Variants in SRMS observed in about 807,000 individuals in gnomAD.
SRMS encodes the protein src-related kinase lacking C-terminal regulatory tyrosine and N-terminal myristylation sites.
Under a neutral mutation model 43.5 loss-of-function variants are expected in SRMS, and 42 were observed. The ratio of observed to expected loss-of-function variants is 0.97; its 90% CI spans 0.75 to 1.25. The LOEUF is 1.25. Ranked by LOEUF, SRMS falls within the 50% of genes most tolerant of loss-of-function variation. SRMS has a pLI of 0.00. For synonymous variants in SRMS, 316 were observed against 308.2 expected, an observed-to-expected ratio of 1.03 and a Z score of -0.27; for missense variants, 703 against 681.0, an observed-to-expected ratio of 1.03 and a Z score of -0.36.
rs570346146 is a variant in SRMS at position 63,540,098 on chromosome 20, G to A, written c.*720C>T. 3.7e-4 allele frequency among the ~76,000 whole-genome samples: 57 copies of A among 152,212 alleles called. No individual in the cohort carries two copies. The highest frequency in any genetic ancestry group is 6.3e-4 in the Non-Finnish European group (43 of 68,036). On this transcript the variant is annotated 3_prime_UTR_variant, in exon 8 of 8. Transcript: ENST00000217188. The stretch of plus-strand genomic sequence containing the variant: ...CTCCAGCTCCTGGGTCTGGGTTTGG[G>A]GGGCTGAGCCTGTGTGTGATGTGCG...
chr20:63,542,687 C>T (rs916749794), intron 3 of SRMS, 106 bp from the exon 4 acceptor site: 1 of 1,346,222 alleles, frequency 7.4e-7, no homozygotes, highest in Admixed American at 2.8e-5. Context: ...GTCCCCAGCA[C>T]ACACTCACCC....
In SRMS at chr20:63,543,408, C is replaced by T. The variant is rs866665240; in HGVS notation, c.551G>A (p.Gly184Glu). Residue 184 changes from glycine (G) to glutamate (E), a missense_variant, in exon 3 of 8, where the codon GGA (glycine) becomes GAA (glutamate). Physicochemically the swap from Gly to Glu is moderately conservative, Grantham distance 98. Coordinates refer to ENST00000217188, the MANE Select transcript of SRMS (RefSeq NM_080823.4). Reference protein sequence around the residue: ...AADGSLYLQKGRLFPGLEELL... With the variant: ...AADGSLYLQKERLFPGLEELL... ...CTCCTCCAGGCCGGGAAAGAGCCGT[C>T]CCTTCTGCAGGTAGAGGCTGCCATC... 1.9e-6 allele frequency: 3 copies of T among 1,612,852 alleles called. No homozygotes were observed. Among genetic ancestry groups the T allele is most frequent in the Non-Finnish European group, 2.5e-6 (3 of 1,179,966 alleles).
chr20:63,542,143 G>A lies in SRMS; in HGVS notation c.946+20C>T. The A allele has an allele frequency of 5.0e-6, 8 of 1,596,926 alleles. No individual in the cohort carries two copies. Among genetic ancestry groups the A allele is most frequent in the Non-Finnish European group, 6.8e-6 (8 of 1,167,944 alleles). On this transcript the variant is annotated intron_variant, in intron 5 of 7. Transcript: ENST00000217188. ...GTCGCAGGCGCGTCAGGGCCACGTG[G>A]CAGCAGGGAGGGGACTCACTGCCCA...
At position 63,539,902 on chromosome 20, in the gene SRMS, C is replaced by T. The variant is rs959297191; in HGVS notation, c.*916G>A. 3.9e-5 allele frequency among the ~76,000 whole-genome samples: 6 copies of T among 152,310 alleles called. No homozygotes were observed. The highest frequency in any genetic ancestry group is 5.9e-5 in the Non-Finnish European group (4 of 68,028). ...GCAGCTCCCAGGTCACCAAGCCTCCCGGCCCACCCTTCCTGTGCCACCTGG... is the reference window on the plus strand; with the variant it reads ...GCAGCTCCCAGGTCACCAAGCCTCCTGGCCCACCCTTCCTGTGCCACCTGG... On this transcript the variant is annotated 3_prime_UTR_variant, in exon 8 of 8. Coordinates refer to ENST00000217188, the MANE Select transcript of SRMS (RefSeq NM_080823.4).
chr20:63,545,879 G>C (rs1048295170), intron 1 of SRMS, among the ~76,000 whole-genome samples: 3 of 152,160 alleles, frequency 2.0e-5, no homozygotes, highest in African/African-American at 7.2e-5. Flanking sequence ...ATGAGACACA[G>C]GTGTTTCCCC....
intron 3 of SRMS, among the ~76,000 whole-genome samples, chr20:63,543,002 G>C (rs1478908374): frequency 6.6e-6 from 1 of 152,114 alleles, no homozygotes; most frequent in Non-Finnish European, 1.5e-5. Flanking sequence ...GCCTGGGGCA[G>C]CCTTGAGTGC....
At chr20:63,544,435 G>A (rs2082720464) in intron 1 of SRMS, 87 bp from the exon 2 acceptor site, 1 of 1,374,858 alleles carries the variant, frequency 7.3e-7, no homozygotes, top group Non-Finnish European at 9.4e-7. Context: ...GCAGGGCTGA[G>A]CCCGGCTGTC....
At position 63,541,527 on chromosome 20, in the gene SRMS, A is replaced by G; in HGVS notation, c.1040T>C (p.Val347Ala). The change falls in exon 6 of 8, where the codon GTG (valine) becomes GCG (alanine). Residue 347 changes from valine to alanine, a missense_variant. By Grantham distance (64) the Val-to-Ala change is moderately conservative. Coordinates refer to ENST00000217188, the MANE Select transcript of SRMS (RefSeq NM_080823.4). ...GMSYLEEQRV[V>A]HRDLAARNVL... ...GTTCCGGGCGGCCAAGTCCCGGTGC[A>G]CAACGCGCTGCTCCTCCAGGTAGCT... is the stretch of plus-strand genomic sequence containing the variant. 6.2e-7 allele frequency: 1 copy of G among 1,600,480 alleles called. No homozygotes were observed. The highest frequency in any genetic ancestry group is 8.5e-7 in the Non-Finnish European group (1 of 1,175,222).
At position 63,540,992 on chromosome 20, in the gene SRMS, G is replaced by A. The variant is rs1031666121; in HGVS notation, c.1293C>T (p.Thr431=). 1 of 1,608,942 alleles carries A rather than the reference G, an allele frequency of 6.2e-7. No individual in the cohort carries two copies. Among genetic ancestry groups the A allele is most frequent in the Non-Finnish European group, 8.5e-7 (1 of 1,179,488 alleles). ...TYGQCPYEGM[T]NHETLQQIMR... is the part of the protein sequence containing the mutation. ...TGATCTGCTGCAGCGTCTCGTGGTTGGTCATCCCTGGGAGGCGCGGGGCAA... is the reference window on the plus strand; with the variant it reads ...TGATCTGCTGCAGCGTCTCGTGGTTAGTCATCCCTGGGAGGCGCGGGGCAA... The change falls in exon 8 of 8, where the codon ACC becomes ACT. Residue 431 remains threonine, a synonymous_variant. Transcript: ENST00000217188.
In SRMS at chr20:63,543,239, G is replaced by A. The variant is rs143566985; in HGVS notation, c.645+75C>T. Reference sequence around the variant, plus strand: ...CTGACAGCCCCAGGGGTTTTGTGACGGGGTGGGGAGGAGCACCTAGAACAG... The same window carrying A: ...CTGACAGCCCCAGGGGTTTTGTGACAGGGTGGGGAGGAGCACCTAGAACAG... On this transcript the variant is annotated intron_variant, in intron 3 of 7. Coordinates refer to ENST00000217188, the MANE Select transcript of SRMS (RefSeq NM_080823.4). The A allele has an allele frequency of 5.2e-5, 81 of 1,547,008 alleles. No individual in the cohort carries two copies. In the East Asian group the frequency reaches 1.2e-3, roughly 23 times the overall value.
intron 1 of SRMS, among the ~76,000 whole-genome samples, 161 bp downstream of exon 1, chr20:63,546,947 C>T (rs549489254): frequency 3.3e-5 from 5 of 152,338 alleles, no homozygotes; most frequent in East Asian, 3.9e-4. Flanking sequence ...CCACACCTGC[C>T]GGCCCGGGGC....
intron 6 of SRMS, 39 bp from the exon 7 acceptor site, chr20:63,541,386 C>T (rs1053705708): frequency 1.9e-5 from 29 of 1,549,886 alleles, no homozygotes; most frequent in South Asian, 3.6e-5. Flanking sequence ...GCAGGTGGAC[C>T]GGGGTCCCCT....
At position 63,542,018 on chromosome 20, in the gene SRMS, G is replaced by A. The variant is rs2082706882; in HGVS notation, c.946+145C>T. On this transcript the variant is annotated intron_variant, in intron 5 of 7. Coordinates refer to ENST00000217188, the MANE Select transcript of SRMS (RefSeq NM_080823.4). ...CCCCCTGTTGGCTGGAGACCAGACAGGGATGGGATCTGCAGCCGGGGCCAC... is the reference window on the plus strand; with the variant it reads ...CCCCCTGTTGGCTGGAGACCAGACAAGGATGGGATCTGCAGCCGGGGCCAC... 5.0e-6 allele frequency: 6 copies of A among 1,192,580 alleles called. 1 individual carries two copies. In the East Asian group the frequency reaches 1.3e-4, roughly 26 times the overall value. The allele number at this position is 1,192,580 out of a possible 1,614,324, so 73.9% of individuals were successfully genotyped here.
chr20:63,542,418 G>A, intron 4 of SRMS, 22 bp downstream of exon 4: 1 of 1,605,016 alleles, frequency 6.2e-7, no homozygotes. Context: ...CCCGGCCGTG[G>A]CGCAGGATCT....
Position 63,538,617 on chromosome 20 carries a change from G to A in SRMS, c.*2201C>T, listed in dbSNP as rs1017364792. 6.6e-6 allele frequency among the ~76,000 whole-genome samples: 1 copy of A among 151,696 alleles called. No individual in the cohort carries two copies. Among genetic ancestry groups the A allele is most frequent in the African/African-American group, 2.4e-5 (1 of 41,316 alleles). On this transcript the variant is annotated 3_prime_UTR_variant, in exon 8 of 8. Transcript: ENST00000217188. ...AGATTTCTGGGCAGCCCAGCTCAGC[G>A]CTGACCAAGGTGGGGAGGGGCAGCG...
rs574257628 is a variant in SRMS at position 63,542,485 on chromosome 20, G to A, written c.742C>T (p.Leu248=). 47 of 1,612,680 alleles carry A rather than the reference G, an allele frequency of 2.9e-5. No homozygotes were observed. In the South Asian group the frequency reaches 5.1e-4, roughly 17 times the overall value. The change falls in exon 4 of 8, where the codon CTG becomes TTG. Residue 248 remains leucine, a synonymous_variant. Coordinates refer to ENST00000217188, the MANE Select transcript of SRMS (RefSeq NM_080823.4). Reference sequence around the variant, plus strand: ...GCCACGGGCAGGGAGCCCAGCCACAGGCCTTCCCACACCTCCCCAAAGTAG... The same window carrying A: ...GCCACGGGCAGGGAGCCCAGCCACAAGCCTTCCCACACCTCCCCAAAGTAG... The part of the protein sequence containing the change: ...EGYFGEVWEG[L]WLGSLPVAIK...
At position 63,543,365 on chromosome 20, in the gene SRMS, CT is replaced by C. The variant is rs1315630392; in HGVS notation, c.593del (p.Lys198ArgfsTer6). ...GGTTCTGGATCAGCTTCCAGTTGGC[CT>C]TGTAGTAGGTGAGCAGCTCCTCCAG... Reference protein sequence around the residue: ...PGLEELLTYYKANWKLIQNPL... With the variant: ...PGLEELLTYYXANWKLIQNPL... On this transcript the variant is annotated frameshift_variant, in exon 3 of 8. Coordinates refer to ENST00000217188, the MANE Select transcript of SRMS (RefSeq NM_080823.4). LOFTEE classifies it high-confidence loss of function. The C allele has an allele frequency of 6.2e-7, 1 of 1,612,840 alleles. No homozygotes were observed. The highest frequency in any genetic ancestry group is 8.5e-7 in the Non-Finnish European group (1 of 1,179,976).
chr20:63,546,790 G>T (rs1377859508), intron 1 of SRMS, among the ~76,000 whole-genome samples: 2 of 152,208 alleles, frequency 1.3e-5, no homozygotes, highest in Non-Finnish European at 2.9e-5. Context: ...GGGCGGGAGG[G>T]CCTGGCCAGC....
rs138149327 is a variant in SRMS at position 63,540,978 on chromosome 20, A to G, written c.1307T>C (p.Leu436Pro). 33 of 1,608,766 alleles carry G rather than the reference A, an allele frequency of 2.1e-5. 1 individual carries two copies. The African/African-American group carries it at 4.0e-4, about 20-fold the overall frequency. The change falls in exon 8 of 8, where the codon CTG becomes CCG. Residue 436 changes from leucine to proline, a missense_variant. Transcript: ENST00000217188. Reference sequence around the variant, plus strand: ...CCGGTACCCTCGCATGATCTGCTGCAGCGTCTCGTGGTTGGTCATCCCTGG... The same window carrying G: ...CCGGTACCCTCGCATGATCTGCTGCGGCGTCTCGTGGTTGGTCATCCCTGG... ...PYEGMTNHET[L>P]QQIMRGYRLP...
Sources: allele counts gnomAD v4.1 joint callset (sites outside exome capture counted in the v4.1 genomes callset), GRCh38; gene constraint gnomAD v4.1.1; transcripts MANE v1.5; gene names NCBI Gene and HGNC (gene_info 2026-07-23, HGNC 2026-07-21).